The following CD96 variants were observed in gnomAD, a reference collection of about 807,000 sequenced individuals.
The protein encoded by CD96 is CD96 molecule, also known as T-cell surface protein tactile.
A neutral mutation model predicts 71.3 loss-of-function variants in CD96; 70 were observed. The observed-to-expected ratio is 0.98, with a 90% CI of 0.81 to 1.20. The LOEUF (loss-of-function observed/expected upper bound fraction) is 1.20, where lower values mean the gene tolerates loss of function less well. Among genes scored for constraint, CD96 ranks in the 50% most tolerant of loss-of-function variants. CD96 has a pLI of 0.00. For synonymous variants in CD96, 248 were observed against 233.0 expected, an observed-to-expected ratio of 1.06 and a Z score of -0.59; for missense variants, 742 against 677.5, an observed-to-expected ratio of 1.10 and a Z score of -1.06.
At chr3:111,621,230 T>C (rs1938505686) in intron 8 of CD96, among the ~76,000 whole-genome samples, 1 of 152,242 alleles carries the variant, frequency 6.6e-6, no homozygotes, top group Non-Finnish European at 1.5e-5. Context: ...ATTTCCTAGA[T>C]CTTTTTCATC....
chr3:111,593,996 C>G, intron 5 of CD96: 1 of 1,614,168 alleles, frequency 6.2e-7, no homozygotes, highest in Non-Finnish European at 8.5e-7. Flanking sequence ...GGGATGGTGC[C>G]CAGCACGAGC....
intron 4 of CD96, 21 bp from the exon 5 acceptor site, chr3:111,585,302 T>G (rs1354633767): frequency 6.4e-7 from 1 of 1,570,296 alleles, no homozygotes. Flanking sequence ...TGCCACTAAC[T>G]ATGTTTTATT....
At chr3:111,595,845 T>A (rs986831409) in intron 5 of CD96, among the ~76,000 whole-genome samples, 1 of 151,926 alleles carries the variant, frequency 6.6e-6, no homozygotes, top group Non-Finnish European at 1.5e-5. Flanking sequence ...GAAAAAACTT[T>A]GTGTTATAAA....
At chr3:111,652,610 G>A (rs377622038), downstream of CD96, among the ~76,000 whole-genome samples, 2 of 152,012 alleles carry the variant, frequency 1.3e-5, no homozygotes, top group South Asian at 4.1e-4. Context: ...CACTCTTTTA[G>A]TATCGTAATT....
At chr3:111,633,663 A>G (rs920474212) in intron 10 of CD96, 2 of 152,382 alleles carry the variant, frequency 1.3e-5, no homozygotes, top group Non-Finnish European at 2.9e-5. Flanking sequence ...CATCTTTGTC[A>G]GCAAGAGTAT....
intron 8 of CD96, among the ~76,000 whole-genome samples, chr3:111,620,954 G>A (rs1037413299): frequency 1.3e-5 from 2 of 152,198 alleles, no homozygotes; most frequent in African/African-American, 4.8e-5. Flanking sequence ...ACCTCCAGAA[G>A]AGAACATTTA....
chr3:111,570,524 G>T (rs1230105492), intron 3 of CD96: 4 of 976,214 alleles, frequency 4.1e-6, no homozygotes, highest in Admixed American at 2.5e-5. Context: ...CAAATGGGAC[G>T]CATGTGTGTT....
intron 12 of CD96, among the ~76,000 whole-genome samples, chr3:111,645,885 C>T (rs539910895): frequency 1.3e-5 from 2 of 152,222 alleles, no homozygotes; most frequent in African/African-American, 4.8e-5. Context: ...CTAACCAATG[C>T]TAACATGATA....
intron 8 of CD96, among the ~76,000 whole-genome samples, chr3:111,616,624 G>A (rs958471413): frequency 6.6e-6 from 1 of 152,228 alleles, no homozygotes; most frequent in African/African-American, 2.4e-5. Context: ...AGTCTTTAGT[G>A]TCAGACAGCC....
chr3:111,547,860 A>AG (rs1934492729), intron 2 of CD96, among the ~76,000 whole-genome samples: 1 of 152,142 alleles, frequency 6.6e-6, no homozygotes, highest in African/African-American at 2.4e-5. Context: ...GCAAAACAGA[A>AG]GGGGGAAACA....
intron 8 of CD96, among the ~76,000 whole-genome samples, chr3:111,615,945 A>G (rs1017600574): frequency 1.4e-4 from 22 of 152,238 alleles, no homozygotes; most frequent in African/African-American, 5.3e-4. Flanking sequence ...CCTATGCCTG[A>G]AAAATTCTTC....
chr3:111,623,156 T>C (rs1938590169), intron 8 of CD96, among the ~76,000 whole-genome samples: 1 of 152,226 alleles, frequency 6.6e-6, no homozygotes, highest in Non-Finnish European at 1.5e-5. Context: ...CAATGGACTG[T>C]TGTTGGATAT....
intron 14 of CD96, among the ~76,000 whole-genome samples, chr3:111,662,629 C>T (rs1940384886): frequency 6.6e-6 from 1 of 152,210 alleles, no homozygotes; most frequent in Non-Finnish European, 1.5e-5. Flanking sequence ...TTCAAAGTTC[C>T]ATAGGTTTCT....
chr3:111,565,155 G>A (rs1370213533), intron 2 of CD96, among the ~76,000 whole-genome samples: 2 of 152,186 alleles, frequency 1.3e-5, no homozygotes, highest in African/African-American at 2.4e-5. Flanking sequence ...TTACTAGGCA[G>A]AGGGAGGTGG....
intron 2 of CD96, among the ~76,000 whole-genome samples, chr3:111,553,945 T>C (rs924764497): frequency 6.6e-6 from 1 of 152,032 alleles, no homozygotes; most frequent in Non-Finnish European, 1.5e-5. Flanking sequence ...TTATATTGTT[T>C]GCAATGCAGC....
intron 13 of CD96, among the ~76,000 whole-genome samples, chr3:111,648,292 CT>C (rs1939926809): frequency 6.6e-6 from 1 of 152,204 alleles, no homozygotes; most frequent in Non-Finnish European, 1.5e-5. Flanking sequence ...TGGGCCATAA[CT>C]GGAAGGGACC....
chr3:111,608,531 C>G (rs1370665821), intron 8 of CD96, among the ~76,000 whole-genome samples: 1 of 152,150 alleles, frequency 6.6e-6, no homozygotes, highest in East Asian at 1.9e-4. Flanking sequence ...CATTATTGTT[C>G]CCACTTGCCA....
At position 111,637,795 on chromosome 3, in the gene CD96, CTT is replaced by C. The variant is rs11326112; in HGVS notation, c.1388-271_1388-270del. Among the ~76,000 whole-genome samples the C allele has an allele frequency of 9.8e-3, 1,403 of 142,606 alleles. 21 individuals are homozygous for C. Among genetic ancestry groups the C allele is most frequent in the African/African-American group, 0.029 (1,112 of 38,978 alleles). 93.6% of individuals were successfully genotyped at this position (142,606 alleles called of 152,430 possible). A position where few individuals can be genotyped will look rare whatever the true frequency, so the allele number is the denominator to read the frequency against. On this transcript the variant is annotated intron_variant, in intron 11 of 13. Transcript: ENST00000352690. ...TTTGTTGTTTGGAAGTATGGAGCTT[CTT>C]TTTTTTTTTTTTCAACCAATAGGAA...
At chr3:111,628,699 G>C (rs1442808611) in intron 10 of CD96, among the ~76,000 whole-genome samples, 1 of 152,060 alleles carries the variant, frequency 6.6e-6, no homozygotes, top group Non-Finnish European at 1.5e-5. Flanking sequence ...TCATTCCCAA[G>C]ACACATAATC....
Sources: allele counts gnomAD v4.1 joint callset (sites outside exome capture counted in the v4.1 genomes callset), GRCh38; gene constraint gnomAD v4.1.1; transcripts MANE v1.5; gene names NCBI Gene and HGNC (gene_info 2026-07-23, HGNC 2026-07-21).